The following OPALIN variants were observed in gnomAD, a reference collection of about 807,000 sequenced individuals.
OPALIN encodes oligodendrocytic myelin paranodal and inner loop protein, also known as transmembrane protein 10.
Under a neutral mutation model 17.8 loss-of-function variants are expected in OPALIN, and 15 were observed. The ratio of observed to expected loss-of-function variants is 0.84; its 90% CI spans 0.56 to 1.29. OPALIN has a LOEUF of 1.29. Ranked by LOEUF, OPALIN falls within the 50% of genes most tolerant of loss-of-function variation. OPALIN has a pLI of 0.00. For missense variants in OPALIN, 170 were observed against 176.0 expected (o/e 0.97, Z 0.19); for synonymous variants, 62 against 63.8 (o/e 0.97, Z 0.14).
chr10:96,356,097 C>T (rs1308010560), intron 1 of OPALIN, among the ~76,000 whole-genome samples: 1 of 152,178 alleles, frequency 6.6e-6, no homozygotes, highest in Non-Finnish European at 1.5e-5. Context: ...GCCAGTGAAA[C>T]TATTTTCCCC....
Position 96,344,351 on chromosome 10 carries a change from T to C in OPALIN, c.*1590A>G, listed in dbSNP as rs1455829175. The C allele has an allele frequency of 6.6e-6, 1 of 151,894 alleles. No individual in the cohort carries two copies. The highest frequency in any genetic ancestry group is 1.5e-5 in the Non-Finnish European group (1 of 68,022). 9.4% of individuals were successfully genotyped at this position (151,894 alleles called of 1,614,324 possible). ...TAGGAGCAATGAATGATGTGTCTCC[T>C]AGGCCAGGTGTGTGGTAGGGTAGCT... On this transcript the variant is annotated 3_prime_UTR_variant, in exon 6 of 6. Transcript: ENST00000371172.
intron 1 of OPALIN, among the ~76,000 whole-genome samples, chr10:96,356,701 C>A (rs768815790): frequency 1.3e-5 from 2 of 152,192 alleles, no homozygotes; most frequent in African/African-American, 4.8e-5. Flanking sequence ...TTTTAAGCAC[C>A]TAGAATGTGT....
At chr10:96,346,857 TAC>T (rs1283211222) in intron 5 of OPALIN, among the ~76,000 whole-genome samples, 3 of 152,200 alleles carry the variant, frequency 2.0e-5, no homozygotes, top group Non-Finnish European at 4.4e-5. Flanking sequence ...ATAAAGGTAT[TAC>T]ATATTTTTGT....
rs957064099 is a variant in OPALIN at position 96,348,490 on chromosome 10, A to G, written c.193-145T>C. 1.8e-5 allele frequency: 9 copies of G among 513,374 alleles called. No homozygotes were observed. In the Admixed American group the frequency reaches 2.9e-4, roughly 16 times the overall value. The allele number at this position is 513,374 out of a possible 1,614,324, so 31.8% of individuals were successfully genotyped here. ...AACAAAACAAGCACAGAGGCATCTAATAACATCACCCCTCAAACCAAACCA... is the reference window on the plus strand; with the variant it reads ...AACAAAACAAGCACAGAGGCATCTAGTAACATCACCCCTCAAACCAAACCA... On this transcript the variant is annotated intron_variant, in intron 4 of 5. Transcript: ENST00000371172.
chr10:96,349,653 A>T, intron 4 of OPALIN, 54 bp downstream of exon 4: 2 of 1,573,730 alleles, frequency 1.3e-6, no homozygotes, highest in Non-Finnish European at 1.7e-6. Flanking sequence ...AAGCCAGTTC[A>T]CTGAAATACT....
At chr10:96,354,640 C>G (rs1477049946) in intron 2 of OPALIN, among the ~76,000 whole-genome samples, 1 of 152,058 alleles carries the variant, frequency 6.6e-6, no homozygotes, top group African/African-American at 2.4e-5. Context: ...TAACGCCAAA[C>G]AGGACAGGAA....
intron 1 of OPALIN, chr10:96,356,994 C>T (rs1391548641): frequency 1.0e-6 from 1 of 985,342 alleles, no homozygotes; most frequent in Non-Finnish European, 1.2e-6. Flanking sequence ...AATCAGAGCA[C>T]CCAGGCTGAC....
intron 4 of OPALIN, 99 bp from the exon 5 acceptor site, chr10:96,348,444 A>G (rs1177030956): frequency 3.4e-6 from 2 of 588,112 alleles, no homozygotes; most frequent in Non-Finnish European, 5.8e-6. Context: ...TGCTTTTTAA[A>G]TCTGAGTGTA....
At chr10:96,358,864 G>C in intron 1 of OPALIN, 30 bp downstream of exon 1, 3 of 1,612,178 alleles carry the variant, frequency 1.9e-6, no homozygotes, top group Non-Finnish European at 2.5e-6. Flanking sequence ...ATGAAAGTTC[G>C]ATTGAGAAGA....
In OPALIN at chr10:96,345,859, G is replaced by A; in HGVS notation, c.*82C>T. On this transcript the variant is annotated 3_prime_UTR_variant, in exon 6 of 6. Coordinates refer to ENST00000371172, the MANE Select transcript of OPALIN (RefSeq NM_033207.5). ...TTTGGATTGATTAAGAAGCAGCTTG[G>A]CATCTTTCCTCTCCAAGTACAAAAC... The A allele has an allele frequency of 7.4e-7, 1 of 1,353,592 alleles. No homozygotes were observed. 83.8% of individuals were successfully genotyped at this position (1,353,592 alleles called of 1,614,324 possible). A position where few individuals can be genotyped will look rare whatever the true frequency, so the allele number is the denominator to read the frequency against.
chr10:96,355,168 G>A lies in OPALIN; in HGVS notation c.39+87C>T, dbSNP rs1845764556. ...CTGTGTAACTTATCACCGTGTGTGA[G>A]GGGTTTATGTGAGTTCTGGAGACCT... On this transcript the variant is annotated intron_variant, in intron 2 of 5. Coordinates refer to ENST00000371172, the MANE Select transcript of OPALIN (RefSeq NM_033207.5). 7.1e-6 allele frequency: 5 copies of A among 706,904 alleles called. No individual in the cohort carries two copies. The South Asian group carries it at 7.3e-5, about 10-fold the overall frequency. The allele number at this position is 706,904 out of a possible 1,614,324, so 43.8% of individuals were successfully genotyped here. A position where few individuals can be genotyped will look rare whatever the true frequency, so the allele number is the denominator to read the frequency against.
In OPALIN at chr10:96,348,366, T is replaced by C. The variant is rs777655044; in HGVS notation, c.193-21A>G. The C allele has an allele frequency of 7.4e-6, 9 of 1,222,152 alleles. No homozygotes were observed. The Admixed American group carries it at 1.1e-4, about 14-fold the overall frequency. The allele number at this position is 1,222,152 out of a possible 1,614,324, so 75.7% of individuals were successfully genotyped here. On this transcript the variant is annotated intron_variant, in intron 4 of 5. Transcript: ENST00000371172. ...CTTTCCTAAATTGGAAAAAATATAA[T>C]AATAAAAGAAAGAAAGAAGAAGAAG... is the stretch of plus-strand genomic sequence containing the variant.
chr10:96,349,497 C>T (rs528921214), intron 4 of OPALIN, among the ~76,000 whole-genome samples: 3 of 152,318 alleles, frequency 2.0e-5, no homozygotes, highest in African/African-American at 7.2e-5. Flanking sequence ...TCAGGAATTC[C>T]TCAACTGACC....
chr10:96,347,446 TTG>T (rs1202288315), intron 5 of OPALIN, among the ~76,000 whole-genome samples: 2 of 151,842 alleles, frequency 1.3e-5, no homozygotes, highest in Non-Finnish European at 2.9e-5. Context: ...AATGACAATT[TTG>T]TTTCTTCCTT....
intron 5 of OPALIN, 63 bp from the exon 6 acceptor site, chr10:96,346,180 T>G: frequency 6.8e-7 from 1 of 1,466,634 alleles, no homozygotes; most frequent in South Asian, 1.2e-5. Flanking sequence ...CAAGATGGAC[T>G]AACAGCAACC....
At chr10:96,349,959 A>C in intron 3 of OPALIN, 133 bp from the exon 4 acceptor site, 1 of 966,932 alleles carries the variant, frequency 1.0e-6, no homozygotes, top group Non-Finnish European at 1.5e-6. Context: ...TCAAAAGGGT[A>C]ATGAAATACT....
chr10:96,356,660 G>A (rs929893954), intron 1 of OPALIN, among the ~76,000 whole-genome samples: 3 of 152,216 alleles, frequency 2.0e-5, no homozygotes, highest in Non-Finnish European at 4.4e-5. Context: ...ATGGGTTAAT[G>A]AACAAGAAAA....
intron 5 of OPALIN, among the ~76,000 whole-genome samples, chr10:96,347,356 A>C (rs1371252772): frequency 6.6e-6 from 1 of 151,938 alleles, no homozygotes; most frequent in African/African-American, 2.4e-5. Flanking sequence ...GGCCTCCCAA[A>C]GTGCTGAGAT....
Position 96,343,345 on chromosome 10 carries a change from T to C in OPALIN, c.*2596A>G, listed in dbSNP as rs1845170296. The C allele has an allele frequency of 1.3e-5, 2 of 152,240 alleles. No individual in the cohort carries two copies. The highest frequency in any genetic ancestry group is 1.3e-4 in the Admixed American group (2 of 15,286). The allele number at this position is 152,240 out of a possible 1,614,324, so 9.4% of individuals were successfully genotyped here. On this transcript the variant is annotated 3_prime_UTR_variant, in exon 6 of 6. Transcript: ENST00000371172. ...GTTTAATAGAAACAATGTTTAAATATTCTAAGCCGTGGATTATAAGTAGAA... is the reference window on the plus strand; with the variant it reads ...GTTTAATAGAAACAATGTTTAAATACTCTAAGCCGTGGATTATAAGTAGAA...
Sources: allele counts gnomAD v4.1 joint callset (sites outside exome capture counted in the v4.1 genomes callset), GRCh38; gene constraint gnomAD v4.1.1; transcripts MANE v1.5; gene names NCBI Gene and HGNC (gene_info 2026-07-23, HGNC 2026-07-21).